The following RPS6KA2 variants were observed in gnomAD, a reference collection of about 807,000 sequenced individuals.
The protein encoded by RPS6KA2 is ribosomal protein S6 kinase alpha-2.
RPS6KA2 carries 42 observed loss-of-function variants against 91.8 expected under a neutral mutation model. The ratio of observed to expected loss-of-function variants is 0.46; its 90% CI spans 0.36 to 0.59. The LOEUF (loss-of-function observed/expected upper bound fraction) is 0.59, where lower values mean the gene tolerates loss of function less well. Ranked by LOEUF, RPS6KA2 falls within the 20% of genes least tolerant of loss-of-function variation. The pLI is 0.00. For synonymous variants in RPS6KA2, 414 were observed against 393.6 expected (o/e 1.05, Z -0.61); for missense variants, 798 against 978.5 (o/e 0.82, Z 2.46).
intron 2 of RPS6KA2, among the ~76,000 whole-genome samples, chr6:166,695,891 C>G (rs113610697): frequency 0.073 from 11,148 of 152,090 alleles, 426 homozygotes; most frequent in Non-Finnish European, 0.089. Flanking sequence ...CATAGGAGCA[C>G]TAGATTCTCA....
chr6:166,575,699 T>C (rs1179990910), intron 1 of RPS6KA2, among the ~76,000 whole-genome samples: 2 of 152,224 alleles, frequency 1.3e-5, no homozygotes, highest in Non-Finnish European at 1.5e-5. Context: ...CTGAGCTGAA[T>C]GGAAGGACAC....
intron 1 of RPS6KA2, among the ~76,000 whole-genome samples, chr6:166,564,530 TAA>T (rs1200774302): frequency 2.6e-5 from 4 of 152,228 alleles, no homozygotes; most frequent in Non-Finnish European, 5.9e-5. Context: ...TCTCCAATGT[TAA>T]AGAGTTTCTG....
At chr6:166,757,432 G>A (rs878991829) in intron 2 of RPS6KA2, 4 of 443,534 alleles carry the variant, frequency 9.0e-6, no homozygotes, top group East Asian at 1.4e-4. Context: ...GCTTGCCCCT[G>A]GCCGCCCAAG....
In RPS6KA2 at chr6:166,668,345, C is replaced by T. The variant is rs556260821; in HGVS notation, c.124-129561G>A. Among the ~76,000 whole-genome samples the T allele has an allele frequency of 5.9e-5, 9 of 152,094 alleles. 1 individual carries two copies. In the South Asian group the frequency reaches 1.5e-3, roughly 25 times the overall value. ...ATATGGTGGGGTAGTGTTGAGAGCC[C>T]GTCGCTTTCAGCCAGATTGTGGCCT... On this transcript the variant is annotated intron_variant, in intron 2 of 21. Coordinates refer to the RPS6KA2 transcript ENST00000503859.
At chr6:166,550,728 C>A (rs528187616) in intron 1 of RPS6KA2, among the ~76,000 whole-genome samples, 2 of 152,040 alleles carry the variant, frequency 1.3e-5, no homozygotes, top group Non-Finnish European at 2.9e-5. Flanking sequence ...TAGGGTTGGG[C>A]GCGATGGCTC....
At chr6:166,784,661 T>C (rs9364868) in intron 2 of RPS6KA2, among the ~76,000 whole-genome samples, 496 of 14,046 alleles carry the variant, frequency 0.035, 105 homozygotes, top group Middle Eastern at 0.056. Flanking sequence ...CATATACACA[T>C]GTGCACACCT....
At chr6:166,827,404 G>A (rs920156985) in intron 2 of RPS6KA2, among the ~76,000 whole-genome samples, 2 of 151,972 alleles carry the variant, frequency 1.3e-5, no homozygotes, top group African/African-American at 4.8e-5. Context: ...TTGATCTTGT[G>A]GCCAAGAATA....
intron 12 of RPS6KA2, 110 bp from the exon 13 acceptor site, chr6:166,451,343 G>T: frequency 8.7e-7 from 1 of 1,147,172 alleles, no homozygotes; most frequent in Non-Finnish European, 1.3e-6. Context: ...GTGTGTGTGT[G>T]TGTGTGTGTG....
chr6:166,741,161 C>T (rs542068004), intron 2 of RPS6KA2, among the ~76,000 whole-genome samples: 2 of 152,294 alleles, frequency 1.3e-5, no homozygotes, highest in East Asian at 1.9e-4. Context: ...ATTGATGAGA[C>T]TTAAACACAC....
At position 166,648,448 on chromosome 6, in the gene RPS6KA2, G is replaced by A. The variant is rs556537617; in HGVS notation, c.124-109664C>T. ...CTGCACAATCTGCCTTTGTACCTGA[G>A]ACTGGGCAAGAATTACTTGAGAGCA... is the stretch of plus-strand genomic sequence containing the variant. On this transcript the variant is annotated intron_variant, in intron 2 of 21. Transcript: ENST00000503859. This position sits in a 1 kb window ranked among gnomAD's most constrained non-coding sequence, Gnocchi z 4.8. Among the ~76,000 whole-genome samples, 24 of 152,346 alleles carry A rather than the reference G, an allele frequency of 1.6e-4. No individual in the cohort carries two copies. The highest frequency in any genetic ancestry group is 5.3e-4 in the African/African-American group (22 of 41,580).
chr6:166,791,277 C>T (rs1191549733), intron 2 of RPS6KA2, among the ~76,000 whole-genome samples: 1 of 152,156 alleles, frequency 6.6e-6, no homozygotes, highest in African/African-American at 2.4e-5. Flanking sequence ...AAGGCCATTA[C>T]ATAATGGTAA....
chr6:166,517,013 C>T (rs1001174980), intron 3 of RPS6KA2, among the ~76,000 whole-genome samples: 1 of 151,986 alleles, frequency 6.6e-6, no homozygotes, highest in African/African-American at 2.4e-5. Flanking sequence ...GACTTTATAG[C>T]ATTGGTAAGG....
At position 166,494,955 on chromosome 6, in the gene RPS6KA2, C is replaced by T. The variant is rs142264556; in HGVS notation, c.747+3553G>A. Among the ~76,000 whole-genome samples, 1 of 152,322 alleles carries T rather than the reference C, an allele frequency of 6.6e-6. No homozygotes were observed. The highest frequency in any genetic ancestry group is 1.9e-4 in the East Asian group (1 of 5,184). On this transcript the variant is annotated intron_variant, in intron 8 of 20. Coordinates refer to ENST00000265678, the MANE Select transcript of RPS6KA2 (RefSeq NM_021135.6). The surrounding 1 kb of genome is among the most constrained non-coding windows in gnomAD (Gnocchi z 5.1). The stretch of plus-strand genomic sequence containing the variant: ...GTAAGATACGACTTCAAAGGTCACC[C>T]GAGGCCCATCTCTTAGCTGCAAATG...
intron 1 of RPS6KA2, among the ~76,000 whole-genome samples, chr6:166,594,070 A>T (rs1397734979): frequency 2.0e-5 from 3 of 152,212 alleles, no homozygotes; most frequent in Non-Finnish European, 2.9e-5. Context: ...ATAAAAATCG[A>T]AATGAATTTA....
At chr6:166,498,314 C>A (rs1781870573) in intron 8 of RPS6KA2, among the ~76,000 whole-genome samples, 194 bp downstream of exon 8, 1 of 152,238 alleles carries the variant, frequency 6.6e-6, no homozygotes, top group Non-Finnish European at 1.5e-5. Flanking sequence ...GCATCCCAGC[C>A]CCACTTTCTG....
At chr6:166,536,404 C>T (rs896870136) in intron 2 of RPS6KA2, among the ~76,000 whole-genome samples, 3 of 152,114 alleles carry the variant, frequency 2.0e-5, no homozygotes, top group East Asian at 1.9e-4. Flanking sequence ...AATACAGTAA[C>T]GTGGGGCATT....
At chr6:166,509,969 T>C (rs1044535703) in intron 4 of RPS6KA2, among the ~76,000 whole-genome samples, 22 of 152,216 alleles carry the variant, frequency 1.4e-4, no homozygotes, top group Non-Finnish European at 1.2e-4. Flanking sequence ...AAATAAGTCA[T>C]AGATTCACCC....
chr6:166,746,917 TA>T (rs1206411918), intron 2 of RPS6KA2, among the ~76,000 whole-genome samples: 1 of 152,200 alleles, frequency 6.6e-6, no homozygotes, highest in African/African-American at 2.4e-5. Context: ...TAAAGGATAT[TA>T]CAGGACACAG....
chr6:166,585,830 A>C (rs1785153974), intron 1 of RPS6KA2, among the ~76,000 whole-genome samples: 1 of 34,840 alleles, frequency 2.9e-5, no homozygotes, highest in South Asian at 7.7e-4. Flanking sequence ...TTTCTGTGTA[A>C]AACAAAGAAT....
Sources: allele counts gnomAD v4.1 joint callset (sites outside exome capture counted in the v4.1 genomes callset), GRCh38; gene constraint gnomAD v4.1.1; non-coding constraint Gnocchi (gnomAD v3.1); transcripts MANE v1.5; gene names NCBI Gene and HGNC (gene_info 2026-07-23, HGNC 2026-07-21).